Variants in PDE1A observed in about 807,000 individuals in gnomAD.
PDE1A encodes the protein dual specificity calcium/calmodulin-dependent 3',5'-cyclic nucleotide phosphodiesterase 1A.
PDE1A carries 35 observed loss-of-function variants against 61.7 expected under a neutral mutation model. That is an observed-to-expected ratio of 0.57 (90% CI 0.43 to 0.75). PDE1A has a LOEUF of 0.75. Among genes scored for constraint, PDE1A ranks in the 30% least tolerant of loss-of-function variants. The pLI, the probability that PDE1A is intolerant of heterozygous loss-of-function variation, is 0.00. For synonymous variants in PDE1A, 232 were observed against 213.2 expected (o/e 1.09, Z -0.77); for missense variants, 597 against 630.6 (o/e 0.95, Z 0.57).
At chr2:182,297,502 C>T (rs973505290) in intron 1 of PDE1A, among the ~76,000 whole-genome samples, 5 of 152,154 alleles carry the variant, frequency 3.3e-5, no homozygotes, top group Non-Finnish European at 5.9e-5. Context: ...GACAACGTTC[C>T]CTAAGGACAA....
chr2:182,626,882 TACAC>T, the PDE1A span, among the ~76,000 whole-genome samples: 1 of 26,590 alleles, frequency 3.8e-5, no homozygotes, highest in Non-Finnish European at 8.2e-5. Flanking sequence ...CATATATATA[TACAC>T]ATATATATAT....
chr2:182,464,453 A>G (rs759611552), intron 2 of PDE1A, among the ~76,000 whole-genome samples: 4 of 152,170 alleles, frequency 2.6e-5, no homozygotes, highest in African/African-American at 9.7e-5. Flanking sequence ...AATTCTGCTT[A>G]AACTGACCAA....
chr2:182,566,638 A>T, the PDE1A span, among the ~76,000 whole-genome samples: 606 of 152,178 alleles, frequency 4.0e-3, 5 homozygotes, highest in Non-Finnish European at 6.7e-3. Context: ...AGTGTTAGTT[A>T]TTTATCTGAT....
chr2:182,157,647 TA>T (rs1247273614), intron 13 of PDE1A, among the ~76,000 whole-genome samples: 1 of 152,190 alleles, frequency 6.6e-6, no homozygotes, highest in African/African-American at 2.4e-5. Context: ...TTACAATCTT[TA>T]CCAACCTAAA....
At chr2:182,362,644 GT>G (rs1699574400) in intron 1 of PDE1A, among the ~76,000 whole-genome samples, 1 of 151,812 alleles carries the variant, frequency 6.6e-6, no homozygotes, top group African/African-American at 2.4e-5. Context: ...TGTGGTTGTT[GT>G]TGTGGAAGAC....
the PDE1A span, among the ~76,000 whole-genome samples, chr2:182,623,786 A>C: frequency 5.9e-5 from 9 of 152,294 alleles, no homozygotes; most frequent in African/African-American, 2.2e-4. Flanking sequence ...CCGTGACATA[A>C]GTTTTCTCAA....
At chr2:182,504,299 T>G (rs1419370107) in intron 2 of PDE1A, among the ~76,000 whole-genome samples, 1 of 152,208 alleles carries the variant, frequency 6.6e-6, no homozygotes, top group Non-Finnish European at 1.5e-5. Context: ...CTAAAGTGAT[T>G]CCATGTGATT....
At chr2:182,710,307 G>C in the PDE1A span, among the ~76,000 whole-genome samples, 70,648 of 152,080 alleles carry the variant, frequency 0.46, 18,809 homozygotes, top group Middle Eastern at 0.64. Context: ...GATTACCACA[G>C]TTGAATGAAT....
intron 1 of PDE1A, among the ~76,000 whole-genome samples, chr2:182,286,922 C>G (rs1400285180): frequency 6.6e-6 from 1 of 152,116 alleles, no homozygotes; most frequent in Non-Finnish European, 1.5e-5. Context: ...CTACAAGAAG[C>G]CAGAGTTTTG....
At chr2:182,671,110 C>T in the PDE1A span, among the ~76,000 whole-genome samples, 8 of 152,046 alleles carry the variant, frequency 5.3e-5, 1 homozygote, top group Admixed American at 5.2e-4. Flanking sequence ...CCAGCCACTG[C>T]GCCCAGCCAT....
At position 182,247,721 on chromosome 2, in the gene PDE1A, G is replaced by T. The variant is rs532436178; in HGVS notation, c.168-7429C>A. On this transcript the variant is annotated intron_variant, in intron 2 of 13. Coordinates refer to ENST00000351439, the Ensembl canonical transcript of PDE1A. ...TTCACCGGCAGATAATTATTATAAAGAATTTTCCTATACATTTATCTAAGA... is the reference window on the plus strand; with the variant it reads ...TTCACCGGCAGATAATTATTATAAATAATTTTCCTATACATTTATCTAAGA... Among the ~76,000 whole-genome samples the T allele has an allele frequency of 2.6e-3, 393 of 152,214 alleles. 1 individual carries two copies. Among genetic ancestry groups the T allele is most frequent in the African/African-American group, 9.2e-3 (381 of 41,530 alleles).
intron 2 of PDE1A, among the ~76,000 whole-genome samples, chr2:182,457,648 A>T (rs1202607781): frequency 1.3e-5 from 2 of 152,046 alleles, no homozygotes; most frequent in Admixed American, 1.3e-4. Context: ...GGCAAACCTC[A>T]AAATAGAAAG....
At chr2:182,300,985 T>C (rs1695205011) in intron 1 of PDE1A, among the ~76,000 whole-genome samples, 1 of 152,184 alleles carries the variant, frequency 6.6e-6, no homozygotes. Context: ...TTTTCCTACC[T>C]GGAAAGAGCA....
At chr2:182,369,395 C>T (rs1700010089) in intron 1 of PDE1A, among the ~76,000 whole-genome samples, 1 of 152,024 alleles carries the variant, frequency 6.6e-6, no homozygotes, top group Non-Finnish European at 1.5e-5. Flanking sequence ...TATGTGTAGC[C>T]TATTTAAAAT....
chr2:182,441,663 T>C (rs1456451776), intron 2 of PDE1A, among the ~76,000 whole-genome samples: 3 of 152,158 alleles, frequency 2.0e-5, no homozygotes, highest in South Asian at 2.1e-4. Flanking sequence ...AGATTCCTTA[T>C]ATAATAGGCT....
chr2:182,277,098 T>C (rs1693473347), intron 1 of PDE1A, among the ~76,000 whole-genome samples: 1 of 152,104 alleles, frequency 6.6e-6, no homozygotes, highest in African/African-American at 2.4e-5. Flanking sequence ...GCTTTTGTCC[T>C]TGCCCTGTTT....
the PDE1A span, among the ~76,000 whole-genome samples, chr2:182,556,109 A>T: frequency 1.3e-5 from 2 of 152,166 alleles, no homozygotes; most frequent in African/African-American, 4.8e-5. Context: ...AAGACAATCA[A>T]CAATAAAAAT....
At position 182,402,525 on chromosome 2, in the gene PDE1A, CAA is replaced by C. The variant is rs1237225379; in HGVS notation, c.53+24051_53+24052del. 2.6e-5 allele frequency among the ~76,000 whole-genome samples: 4 copies of C among 152,264 alleles called. No individual in the cohort carries two copies. The East Asian group carries it at 5.8e-4, about 22-fold the overall frequency. ...CTTATACCTTATACAGAAATCAACT[CAA>C]GATTAAGATTAAAGACTTAAATGTA... On this transcript the variant is annotated intron_variant, in intron 1 of 13. Transcript: ENST00000351439.
intron 1 of PDE1A, among the ~76,000 whole-genome samples, chr2:182,410,789 A>G (rs1164160779): frequency 6.6e-6 from 1 of 152,206 alleles, no homozygotes; most frequent in African/African-American, 2.4e-5. Flanking sequence ...TTTTTGACAG[A>G]TTTCCACTGA....
Sources: gnomAD v4.1 joint callset for allele counts (sites outside exome capture counted in the v4.1 genomes callset) on GRCh38, gnomAD v4.1.1 for gene constraint, MANE v1.5 for transcripts, NCBI Gene and HGNC (gene_info 2026-07-23, HGNC 2026-07-21) for gene names.